TAB1: variants seen among roughly 807,000 people sequenced by gnomAD.
TAB1 encodes TGF-beta-activated kinase 1 and MAP3K7-binding protein 1.
Under a neutral mutation model 54.5 loss-of-function variants are expected in TAB1, and 30 were observed. That is an observed-to-expected ratio of 0.55 (90% CI 0.41 to 0.75). The LOEUF (loss-of-function observed/expected upper bound fraction) is 0.75. Ranked by LOEUF, TAB1 falls within the 30% of genes least tolerant of loss-of-function variation. The pLI, the probability that TAB1 is intolerant of heterozygous loss-of-function variation, is 0.00. For missense variants in TAB1, 609 were observed against 683.2 expected (o/e 0.89, Z 1.21); for synonymous variants, 289 against 286.9 (o/e 1.01, Z -0.07).
At chr22:39,401,215 G>A (rs1338512593) in intron 1 of TAB1, among the ~76,000 whole-genome samples, 1 of 152,200 alleles carries the variant, frequency 6.6e-6, no homozygotes, top group Non-Finnish European at 1.5e-5. Flanking sequence ...CGTCACAGAG[G>A]TGAGTAGACA....
At chr22:39,432,610 C>A, downstream of TAB1, 1 of 372,270 alleles carries the variant, frequency 2.7e-6, no homozygotes, top group South Asian at 1.1e-4. Flanking sequence ...GGCCCCTGAA[C>A]ACTCCTGGAG....
At chr22:39,421,406 G>A (rs1200588207) in intron 7 of TAB1, among the ~76,000 whole-genome samples, 2 of 152,136 alleles carry the variant, frequency 1.3e-5, no homozygotes, top group Non-Finnish European at 2.9e-5. Flanking sequence ...GTCACTAAAG[G>A]ATCCCTGTAC....
downstream of TAB1, chr22:39,436,608 T>G (rs1004484348): frequency 1.3e-6 from 2 of 1,520,864 alleles, no homozygotes; most frequent in Non-Finnish European, 1.8e-6. Context: ...CTCTGGGAGC[T>G]GAGATCATCC....
rs144332453 is a variant in TAB1 at position 39,415,545 on chromosome 22, T to C, written c.216T>C (p.Asp72=). ...CFLYGVFNGY[D]GNRVTNFVAQ... is the part of the protein sequence containing the mutation. ...TGTATGGGGTCTTCAACGGCTATGA[T>C]GGCAACCGAGTGACCAACTTCGTGG... is the stretch of plus-strand genomic sequence containing the variant. Residue 72 remains aspartate, a synonymous_variant, in exon 3 of 11, where the codon GAT becomes GAC. Coordinates refer to ENST00000216160, the MANE Select transcript of TAB1 (RefSeq NM_006116.3). This position sits in a 1 kb window ranked among gnomAD's most constrained non-coding sequence, Gnocchi z 4.9. The C allele has an allele frequency of 2.2e-4, 355 of 1,614,216 alleles. No individual in the cohort carries two copies. The African/African-American group carries it at 4.1e-3, about 19-fold the overall frequency.
At position 39,426,771 on chromosome 22, in the gene TAB1, C is replaced by T. The variant is rs1466584891; in HGVS notation, c.990C>T (p.Val330=). The T allele has an allele frequency of 5.0e-6, 8 of 1,614,072 alleles. No homozygotes were observed. The highest frequency in any genetic ancestry group is 1.1e-5 in the South Asian group (1 of 91,070). The change falls in exon 9 of 11, where the codon GTC becomes GTT. Residue 330 remains valine, a synonymous_variant. Transcript: ENST00000216160. The part of the protein sequence containing the change: ...QTSLDAVAQA[V]VDRVKRIHSD... Reference sequence around the variant, plus strand: ...CCCTGGACGCAGTGGCCCAGGCCGTCGTGGACCGGGTGAAGCGCATCCACA... The same window carrying T: ...CCCTGGACGCAGTGGCCCAGGCCGTTGTGGACCGGGTGAAGCGCATCCACA...
chr22:39,419,249 C>G (rs1926965643), intron 6 of TAB1, among the ~76,000 whole-genome samples: 1 of 152,136 alleles, frequency 6.6e-6, no homozygotes, highest in African/African-American at 2.4e-5. Context: ...ATGTGGGGCA[C>G]ACGGGATGGG....
rs374248530 is a variant in TAB1, at chr22:39,412,150, G to A, written c.34-2856G>A. 3.9e-5 allele frequency among the ~76,000 whole-genome samples: 6 copies of A among 152,064 alleles called. No homozygotes were observed. The East Asian group carries it at 9.6e-4, about 24-fold the overall frequency. On this transcript the variant is annotated intron_variant, in intron 1 of 10. Transcript: ENST00000216160. ...TGCCTCTCAGGTTCAGGTGATTCTC[G>A]TGCCTCAGCCTCTTGAGTAGCTGGA...
At position 39,428,114 on chromosome 22, in the gene TAB1, C is replaced by T. The variant is rs777144030; in HGVS notation, c.1238C>T (p.Ser413Phe). The T allele has an allele frequency of 6.2e-7, 1 of 1,613,826 alleles. No homozygotes were observed. The highest frequency in any genetic ancestry group is 1.1e-5 in the South Asian group (1 of 91,070). The change falls in exon 10 of 11, where the codon TCC becomes TTC. Residue 413 changes from serine (S) to phenylalanine (F), a missense_variant. Physicochemically the swap from Ser to Phe is radical, Grantham distance 155 (BLOSUM62 -2). Transcript: ENST00000216160. ...GTGACCCTCTCCCTTGTCATGCCCT[C>T]CCAGGGCCAGATGGTCAACGGGGCT... ...TSVTLSLVMPSQGQMVNGAHS... is the reference protein window; with the variant it reads ...TSVTLSLVMPFQGQMVNGAHS...
downstream of TAB1, chr22:39,436,877 G>A: frequency 2.8e-6 from 1 of 362,130 alleles, no homozygotes; most frequent in Non-Finnish European, 5.1e-6. Flanking sequence ...TGGGGTTCCT[G>A]GTTAGGACCC....
intron 1 of TAB1, among the ~76,000 whole-genome samples, chr22:39,406,655 C>T (rs536096817): frequency 2.0e-5 from 3 of 151,360 alleles, no homozygotes; most frequent in African/African-American, 7.3e-5. Flanking sequence ...ATTTTTGAGA[C>T]GGAGTCTTGC....
Position 39,431,457 on chromosome 22 carries a change from C to G in TAB1, c.*1235C>G, listed in dbSNP as rs1927581258. The stretch of plus-strand genomic sequence containing the variant: ...ACCCCCCGGATTCTCCACGCCCTCC[C>G]CATCTCCCAGTCTCCCTGCCCCCCA... On this transcript the variant is annotated 3_prime_UTR_variant, in exon 11 of 11. Coordinates refer to ENST00000216160, the MANE Select transcript of TAB1 (RefSeq NM_006116.3). 1 of 985,692 alleles carries G rather than the reference C, an allele frequency of 1.0e-6. No homozygotes were observed. The highest frequency in any genetic ancestry group is 1.2e-6 in the Non-Finnish European group (1 of 830,172). The allele number at this position is 985,692 out of a possible 1,614,324, so 61.1% of individuals were successfully genotyped here. A position where few individuals can be genotyped will look rare whatever the true frequency, so the allele number is the denominator to read the frequency against.
At chr22:39,433,810 C>G, downstream of TAB1, 2 of 985,440 alleles carry the variant, frequency 2.0e-6, no homozygotes, top group Non-Finnish European at 2.4e-6. Flanking sequence ...GTTTGCGGGG[C>G]TAGTTCCTTC....
chr22:39,406,475 T>A, intron 1 of TAB1, among the ~76,000 whole-genome samples: 1 of 151,016 alleles, frequency 6.6e-6, no homozygotes, highest in Non-Finnish European at 1.5e-5. Context: ...GATTGAGGTT[T>A]GGGAATCATG....
chr22:39,412,098 T>C (rs1248328862), intron 1 of TAB1, among the ~76,000 whole-genome samples: 1 of 152,134 alleles, frequency 6.6e-6, no homozygotes, highest in East Asian at 1.9e-4. Context: ...AGTGCAGTGG[T>C]GTGCAATCTC....
rs1927544851 is a variant in TAB1 at position 39,430,546 on chromosome 22, T to G, written c.*324T>G. On this transcript the variant is annotated 3_prime_UTR_variant, in exon 11 of 11. Transcript: ENST00000216160. ...CGCCCGAGCCTCCCCAGCAGCCTCC[T>G]ACAGAGCAGGAAGAGGCGCCCTGTG... is the stretch of plus-strand genomic sequence containing the variant. 8.1e-7 allele frequency: 1 copy of G among 1,233,666 alleles called. No individual in the cohort carries two copies. The highest frequency in any genetic ancestry group is 1.5e-5 in the African/African-American group (1 of 65,062). The allele number at this position is 1,233,666 out of a possible 1,614,324, so 76.4% of individuals were successfully genotyped here.
At position 39,424,138 on chromosome 22, in the gene TAB1, C is replaced by T. The variant is rs115291390; in HGVS notation, c.921+2167C>T. Among the ~76,000 whole-genome samples the T allele has an allele frequency of 4.4e-3, 675 of 152,288 alleles. 7 individuals are homozygous for T. The highest frequency in any genetic ancestry group is 0.016 in the African/African-American group (651 of 41,550). On this transcript the variant is annotated intron_variant, in intron 8 of 10. Coordinates refer to ENST00000216160, the MANE Select transcript of TAB1 (RefSeq NM_006116.3). ...ACTCCTGTGTTACTTAGAATAATGG[C>T]CTTCATCTCCATCCAAGTTGCTGCA...
rs559355105 is a variant in TAB1 at position 39,402,845 on chromosome 22, C to T, written c.33+3010C>T. ...AGGATTACAGGTGTGAGCCACTGTG[C>T]CCGGCCACAAAGAGGTTCTAAGGAG... On this transcript the variant is annotated intron_variant, in intron 1 of 10. Transcript: ENST00000216160. 3.3e-5 allele frequency among the ~76,000 whole-genome samples: 5 copies of T among 152,330 alleles called. No individual in the cohort carries two copies. In the East Asian group the frequency reaches 7.7e-4, roughly 23 times the overall value.
At chr22:39,407,653 T>C (rs1456863705) in intron 1 of TAB1, among the ~76,000 whole-genome samples, 2 of 152,032 alleles carry the variant, frequency 1.3e-5, no homozygotes, top group African/African-American at 2.4e-5. Flanking sequence ...GCCCGGCTAA[T>C]TTTTTGTATT....
In TAB1 at chr22:39,415,632, T is replaced by C. The variant is rs539751697; in HGVS notation, c.303T>C (p.Asp101=). ...TGAATGCCGAGCACGCCGAGGCCGA[T>C]GTGCGGCGTGTGCTGCTGCAGGTAA... ...GQLNAEHAEA[D]VRRVLLQAFD... is the part of the protein sequence containing the mutation. Residue 101 remains aspartate (D), a synonymous_variant, in exon 3 of 11, where the codon GAT becomes GAC. Coordinates refer to ENST00000216160, the MANE Select transcript of TAB1 (RefSeq NM_006116.3). The surrounding 1 kb of genome is among the most constrained non-coding windows in gnomAD (Gnocchi z 4.9). 10 of 1,610,916 alleles carry C rather than the reference T, an allele frequency of 6.2e-6. No homozygotes were observed. The highest frequency in any genetic ancestry group is 1.1e-5 in the South Asian group (1 of 91,026).
Sources: allele counts gnomAD v4.1 joint callset (sites outside exome capture counted in the v4.1 genomes callset), GRCh38; gene constraint gnomAD v4.1.1; non-coding constraint Gnocchi (gnomAD v3.1); transcripts MANE v1.5; gene names NCBI Gene and HGNC (gene_info 2026-07-23, HGNC 2026-07-21).